Variants in TMEM178B observed in about 807,000 individuals in gnomAD.
The protein encoded by TMEM178B is transmembrane protein 178B.
TMEM178B carries 5 observed loss-of-function variants against 31.0 expected under a neutral mutation model. That is an observed-to-expected ratio of 0.16 (90% CI 0.08 to 0.34). TMEM178B has a LOEUF of 0.34. Ranked by LOEUF, TMEM178B falls within the 10% of genes least tolerant of loss-of-function variation. The pLI is 1.00. For synonymous variants in TMEM178B, 164 were observed against 164.0 expected (o/e 1.00, Z 0.00); for missense variants, 275 against 400.3 (o/e 0.69, Z 2.67).
At chr7:141,375,944 T>C (rs1800205389) in intron 2 of TMEM178B, among the ~76,000 whole-genome samples, 1 of 152,204 alleles carries the variant, frequency 6.6e-6, no homozygotes, top group African/African-American at 2.4e-5. Context: ...AACGGGGAAG[T>C]AGCCCCAGAG....
intron 2 of TMEM178B, among the ~76,000 whole-genome samples, chr7:141,215,337 A>ATTATTATTATTATTATTATTTTT (rs55726735): frequency 2.8e-4 from 39 of 141,554 alleles, no homozygotes; most frequent in Non-Finnish European, 5.1e-4. Flanking sequence ...TATTATTATT[A>ATTATTATTATTATTATTATTTTT]TTTTTTGAGA....
intron 2 of TMEM178B, among the ~76,000 whole-genome samples, chr7:141,317,570 C>G (rs1799028564): frequency 6.6e-6 from 1 of 152,094 alleles, no homozygotes; most frequent in Admixed American, 6.5e-5. Context: ...CTTTTAAGGC[C>G]AAGATGACTT....
chr7:141,098,548 T>C (rs373449526), intron 1 of TMEM178B, among the ~76,000 whole-genome samples: 3 of 152,348 alleles, frequency 2.0e-5, no homozygotes, highest in East Asian at 3.9e-4. Context: ...CTTTACAGTT[T>C]ACTATCTGTG....
chr7:141,209,977 G>A (rs1368486537), intron 1 of TMEM178B, among the ~76,000 whole-genome samples: 3 of 152,136 alleles, frequency 2.0e-5, no homozygotes, highest in Admixed American at 1.3e-4. Context: ...TATACTGTGT[G>A]TAAGAGGCCA....
intron 2 of TMEM178B, among the ~76,000 whole-genome samples, chr7:141,428,567 T>G (rs975794626): frequency 1.3e-5 from 2 of 152,108 alleles, no homozygotes; most frequent in African/African-American, 4.8e-5. Context: ...AAATGCCTCA[T>G]GGAGGATGTG....
chr7:141,219,036 G>C (rs193218086), intron 2 of TMEM178B, among the ~76,000 whole-genome samples: 197 of 152,316 alleles, frequency 1.3e-3, no homozygotes, highest in Non-Finnish European at 2.4e-3. Flanking sequence ...CAAAGGGCTT[G>C]GGATGAAACT....
chr7:141,329,379 T>C (rs1799255443), intron 2 of TMEM178B, among the ~76,000 whole-genome samples: 1 of 152,170 alleles, frequency 6.6e-6, no homozygotes, highest in Admixed American at 6.5e-5. Context: ...GCCATCACGG[T>C]TGCCATTCTC....
At chr7:141,469,086 T>C (rs1383689283) in intron 3 of TMEM178B, among the ~76,000 whole-genome samples, 1 of 152,250 alleles carries the variant, frequency 6.6e-6, no homozygotes, top group Admixed American at 6.5e-5. Flanking sequence ...CCAGGCAGCC[T>C]CTTCCTATTG....
At chr7:141,250,349 G>A (rs1346502464) in intron 2 of TMEM178B, among the ~76,000 whole-genome samples, 3 of 152,200 alleles carry the variant, frequency 2.0e-5, no homozygotes, top group African/African-American at 7.2e-5. Flanking sequence ...TTGAAGTGCA[G>A]AGAGCTTAAG....
intron 2 of TMEM178B, among the ~76,000 whole-genome samples, chr7:141,329,685 A>G (rs994338444): frequency 1.1e-4 from 17 of 152,192 alleles, no homozygotes; most frequent in African/African-American, 4.1e-4. Flanking sequence ...GGGGGAAGAA[A>G]ATCAACCTGT....
the TMEM178B span, among the ~76,000 whole-genome samples, chr7:141,500,603 C>A: frequency 6.6e-6 from 1 of 152,112 alleles, no homozygotes; most frequent in African/African-American, 2.4e-5. Context: ...TGTAGTCCTA[C>A]GGAATTTCAT....
At chr7:141,372,616 A>G (rs1800139065) in intron 2 of TMEM178B, among the ~76,000 whole-genome samples, 1 of 152,074 alleles carries the variant, frequency 6.6e-6, no homozygotes. Flanking sequence ...CTCCCTCCTC[A>G]TCTATATGGG....
chr7:141,247,152 A>T (rs1797746861), intron 2 of TMEM178B, among the ~76,000 whole-genome samples: 1 of 151,824 alleles, frequency 6.6e-6, no homozygotes, highest in African/African-American at 2.4e-5. Context: ...ACTTTGTGGA[A>T]ATAGATATTT....
At chr7:141,132,539 T>C (rs1296770023) in intron 1 of TMEM178B, among the ~76,000 whole-genome samples, 1 of 152,082 alleles carries the variant, frequency 6.6e-6, no homozygotes, top group Non-Finnish European at 1.5e-5. Flanking sequence ...GGTCTGGAAA[T>C]AGCCTCTGAA....
chr7:141,262,474 A>ATATATATATATATATATATATAT (rs1798028077), intron 2 of TMEM178B, among the ~76,000 whole-genome samples: 3 of 131,864 alleles, frequency 2.3e-5, no homozygotes, highest in Non-Finnish European at 4.8e-5. Context: ...AAATACATAT[A>ATATATATATATATATATATATAT]ATATATATAT....
At chr7:141,226,890 A>G (rs913094338) in intron 2 of TMEM178B, among the ~76,000 whole-genome samples, 3 of 151,346 alleles carry the variant, frequency 2.0e-5, no homozygotes, top group East Asian at 1.9e-4. Flanking sequence ...AGAAAAAAGT[A>G]ATTACTAGTT....
At chr7:141,324,437 T>G (rs535247293) in intron 2 of TMEM178B, among the ~76,000 whole-genome samples, 12,390 of 123,266 alleles carry the variant, frequency 0.1, 1,929 homozygotes, top group African/African-American at 0.29. Flanking sequence ...TTTTTTTTTT[T>G]TTTTTTTTTT....
At position 141,461,915 on chromosome 7, in the gene TMEM178B, C is replaced by T. The variant is rs1379250798; in HGVS notation, c.635-8621C>T. The stretch of plus-strand genomic sequence containing the variant: ...GAGTTGGCTGACTAATTCTTTGTTC[C>T]CTGGTGACATTTCAGGGTGGCAAAA... On this transcript the variant is annotated intron_variant, in intron 3 of 3. Coordinates refer to ENST00000565468, the MANE Select transcript of TMEM178B (RefSeq NM_001195278.2). This position sits in a 1 kb window ranked among gnomAD's most constrained non-coding sequence, Gnocchi z 4.0. Among the ~76,000 whole-genome samples, 2 of 152,258 alleles carry T rather than the reference C, an allele frequency of 1.3e-5. No individual in the cohort carries two copies. The highest frequency in any genetic ancestry group is 2.4e-5 in the African/African-American group (1 of 41,544).
intron 2 of TMEM178B, among the ~76,000 whole-genome samples, chr7:141,234,833 C>T (rs536999046): frequency 3.3e-5 from 5 of 152,252 alleles, no homozygotes; most frequent in African/African-American, 9.6e-5. Flanking sequence ...TCTATGCAGA[C>T]GTGGGAGGTG....
Sources: allele counts gnomAD v4.1 joint callset (sites outside exome capture counted in the v4.1 genomes callset), GRCh38; gene constraint gnomAD v4.1.1; non-coding constraint Gnocchi (gnomAD v3.1); transcripts MANE v1.5; gene names NCBI Gene and HGNC (gene_info 2026-07-23, HGNC 2026-07-21).